SLC25A21: variants seen among roughly 807,000 people sequenced by gnomAD.
The protein encoded by SLC25A21 is solute carrier family 25 member 21, also known as mitochondrial 2-oxodicarboxylate carrier.
In SLC25A21, 47 loss-of-function variants were observed where a neutral mutation model predicts 43.8. The observed-to-expected ratio is 1.07, with a 90% confidence interval of 0.85 to 1.37. The LOEUF (loss-of-function observed/expected upper bound fraction) is 1.37, where lower values mean the gene tolerates loss of function less well. Among genes scored for constraint, SLC25A21 ranks in the 40% most tolerant of loss-of-function variants. The pLI is 0.00. For missense variants in SLC25A21, 352 were observed against 350.2 expected (o/e 1.00, Z -0.04); for synonymous variants, 131 against 121.3 (o/e 1.08, Z -0.52).
At chr14:36,913,641 G>A (rs1321033416) in intron 1 of SLC25A21, among the ~76,000 whole-genome samples, 1 of 152,200 alleles carries the variant, frequency 6.6e-6, no homozygotes, top group Non-Finnish European at 1.5e-5. Context: ...GTTAATTGGA[G>A]TAAAACAAGG....
rs1423489024 is a variant in SLC25A21, at chr14:36,904,635, A to G, written c.71-29631T>C. On this transcript the variant is annotated intron_variant, in intron 1 of 9. Transcript: ENST00000331299. The stretch of plus-strand genomic sequence containing the variant: ...AGTTCCACATGGCTGGGGAGGCCTT[A>G]GAAAACTTACAATCATGGCAAAAGG... 2.6e-5 allele frequency among the ~76,000 whole-genome samples: 4 copies of G among 152,224 alleles called. No homozygotes were observed. In the East Asian group the frequency reaches 7.7e-4, roughly 29 times the overall value.
chr14:36,861,030 T>G (rs1050881627), intron 2 of SLC25A21, among the ~76,000 whole-genome samples: 1 of 152,210 alleles, frequency 6.6e-6, no homozygotes, highest in Non-Finnish European at 1.5e-5. Flanking sequence ...CCAGAGTATG[T>G]AGAGTTGCAT....
chr14:36,946,370 AAGTG>A (rs1305452526), intron 1 of SLC25A21, among the ~76,000 whole-genome samples: 1 of 152,150 alleles, frequency 6.6e-6, no homozygotes, highest in African/African-American at 2.4e-5. Context: ...AGGAGAAAGA[AAGTG>A]AGGGTAGTTA....
At position 37,098,872 on chromosome 14, in the gene SLC25A21, G is replaced by T. The variant is rs78990060; in HGVS notation, c.70+73409C>A. On this transcript the variant is annotated intron_variant, in intron 1 of 9. Coordinates refer to ENST00000331299, the MANE Select transcript of SLC25A21 (RefSeq NM_030631.4). ...GGCTGGAGTGCAATGGCATGATCTC[G>T]GCTCACTGCAGCCTCCACCTCCTGG... 4.8e-3 allele frequency among the ~76,000 whole-genome samples: 726 copies of T among 150,830 alleles called. 23 individuals carry two copies. The East Asian group carries it at 0.082, about 17-fold the overall frequency.
At chr14:37,056,777 G>T (rs1298387271) in intron 1 of SLC25A21, among the ~76,000 whole-genome samples, 1 of 152,156 alleles carries the variant, frequency 6.6e-6, no homozygotes, top group Non-Finnish European at 1.5e-5. Flanking sequence ...AGGGGCAAAC[G>T]TTCATCCATA....
intron 6 of SLC25A21, among the ~76,000 whole-genome samples, chr14:36,716,627 T>C (rs183366549): frequency 1.3e-3 from 201 of 152,190 alleles, no homozygotes; most frequent in Non-Finnish European, 2.3e-3. Flanking sequence ...GGGCACTGAG[T>C]CCTTACTTTC....
chr14:36,809,438 C>T (rs901242106), intron 3 of SLC25A21, among the ~76,000 whole-genome samples: 1 of 152,068 alleles, frequency 6.6e-6, no homozygotes, highest in Non-Finnish European at 1.5e-5. Flanking sequence ...AATCTCACTT[C>T]TGTAAAGCTG....
chr14:37,145,476 C>CACACACACACACACACACACACAGAG (rs780734735), intron 1 of SLC25A21, among the ~76,000 whole-genome samples: 1 of 143,566 alleles, frequency 7.0e-6, no homozygotes, highest in Non-Finnish European at 1.5e-5. Flanking sequence ...CACACACACA[C>CACACACACACACACACACACACAGAG]AGAGAGATGA....
rs780961992 is a variant in SLC25A21, at chr14:37,128,536, C to CTGTG, written c.70+43744_70+43745insCACA. Among the ~76,000 whole-genome samples, 1,159 of 86,876 alleles carry CTGTG rather than the reference C, an allele frequency of 0.013. 38 individuals are homozygous for CTGTG. In the East Asian group the frequency reaches 0.18, roughly 13 times the overall value. 57.0% of individuals were successfully genotyped at this position (86,876 alleles called of 152,430 possible). On this transcript the variant is annotated intron_variant, in intron 1 of 9. Transcript: ENST00000331299. ...TTACTTTCTGTCTCTCTCTCTCTCT[C>CTGTG]TCTGTGTGTGTGTGTGTGTGTGTGT...
chr14:37,124,260 A>G (rs1963259756), intron 1 of SLC25A21, among the ~76,000 whole-genome samples: 1 of 152,158 alleles, frequency 6.6e-6, no homozygotes, highest in African/African-American at 2.4e-5. Flanking sequence ...TTTAAAATAA[A>G]GAAAAAATAA....
intron 1 of SLC25A21, among the ~76,000 whole-genome samples, chr14:37,008,303 T>C (rs953974750): frequency 1.3e-5 from 2 of 152,216 alleles, no homozygotes; most frequent in African/African-American, 4.8e-5. Context: ...AAGCGTTCAT[T>C]CTGATGAATT....
chr14:37,150,153 C>A (rs1015911407), intron 1 of SLC25A21, among the ~76,000 whole-genome samples: 6 of 152,108 alleles, frequency 3.9e-5, no homozygotes, highest in South Asian at 2.1e-4. Context: ...ATAAAACCTA[C>A]GTGTTTGGCA....
At chr14:36,988,603 G>A (rs1369221761) in intron 1 of SLC25A21, among the ~76,000 whole-genome samples, 1 of 152,148 alleles carries the variant, frequency 6.6e-6, no homozygotes, top group African/African-American at 2.4e-5. Flanking sequence ...GGAGTTAACT[G>A]TTCATTAAAA....
chr14:36,984,494 G>A (rs1960101507), intron 1 of SLC25A21, among the ~76,000 whole-genome samples: 1 of 151,858 alleles, frequency 6.6e-6, no homozygotes, highest in African/African-American at 2.4e-5. Context: ...AACCTGTTTT[G>A]AAAGTCTCTT....
intron 1 of SLC25A21, among the ~76,000 whole-genome samples, chr14:37,001,150 A>G (rs1450970199): frequency 2.0e-5 from 3 of 152,134 alleles, no homozygotes; most frequent in Non-Finnish European, 4.4e-5. Context: ...ACTAGAATGC[A>G]AACTCCATAA....
intron 7 of SLC25A21, among the ~76,000 whole-genome samples, chr14:36,693,878 AC>A (rs1882897178): frequency 6.6e-6 from 1 of 152,126 alleles, no homozygotes; most frequent in Admixed American, 6.6e-5. Context: ...TGAATAAAAA[AC>A]CCATCAGCCC....
chr14:36,703,357 G>C (rs576851276), intron 7 of SLC25A21, among the ~76,000 whole-genome samples: 10 of 152,154 alleles, frequency 6.6e-5, no homozygotes, highest in Non-Finnish European at 1.2e-4. Flanking sequence ...AAAATGAAGT[G>C]GGTCTGGCAC....
chr14:36,767,961 T>C (rs1886476090), intron 3 of SLC25A21, among the ~76,000 whole-genome samples: 1 of 152,206 alleles, frequency 6.6e-6, no homozygotes. Context: ...ATTGCTGTGA[T>C]TAGGCTGTTG....
At chr14:36,755,762 T>C (rs1885904448) in intron 3 of SLC25A21, among the ~76,000 whole-genome samples, 1 of 152,196 alleles carries the variant, frequency 6.6e-6, no homozygotes, top group African/African-American at 2.4e-5. Flanking sequence ...TTGTACTTAA[T>C]TGATATCTTT....
Sources: gnomAD v4.1 joint callset for allele counts (sites outside exome capture counted in the v4.1 genomes callset) on GRCh38, gnomAD v4.1.1 for gene constraint, MANE v1.5 for transcripts, NCBI Gene and HGNC (gene_info 2026-07-23, HGNC 2026-07-21) for gene names.